STXBP4: variants seen among roughly 807,000 people sequenced by gnomAD.
STXBP4 encodes the protein syntaxin binding protein 4.
In STXBP4, 55 loss-of-function variants were observed where a neutral mutation model predicts 76.1. The observed-to-expected ratio is 0.72, with a 90% CI of 0.58 to 0.91. The LOEUF (loss-of-function observed/expected upper bound fraction) is 0.91, where lower values mean the gene tolerates loss of function less well. STXBP4 is among the 40% of genes least tolerant of loss of function. STXBP4 has a pLI of 0.00. For synonymous variants in STXBP4, 201 were observed against 220.2 expected (o/e 0.91, Z 0.77); for missense variants, 618 against 636.9 (o/e 0.97, Z 0.32).
At chr17:55,105,997 A>G (rs750768654) in intron 16 of STXBP4, among the ~76,000 whole-genome samples, 4 of 152,116 alleles carry the variant, frequency 2.6e-5, no homozygotes, top group Non-Finnish European at 5.9e-5. Context: ...GCTGAGTTCA[A>G]GTCCTGAATA....
At chr17:55,132,767 G>C (rs1232655532) in intron 16 of STXBP4, among the ~76,000 whole-genome samples, 1 of 152,120 alleles carries the variant, frequency 6.6e-6, no homozygotes, top group East Asian at 1.9e-4. Flanking sequence ...GGCTGGAGAA[G>C]AAGGGAGCTG....
chr17:55,176,218 C>G (rs977451802), downstream of STXBP4, among the ~76,000 whole-genome samples: 1 of 152,118 alleles, frequency 6.6e-6, no homozygotes, highest in African/African-American at 2.4e-5. Flanking sequence ...AAACTCAGCA[C>G]AGGGGAGGAA....
chr17:55,197,737 A>G, the STXBP4 span, among the ~76,000 whole-genome samples: 1 of 147,896 alleles, frequency 6.8e-6, no homozygotes, highest in South Asian at 2.3e-4. Context: ...AGTGAGACTC[A>G]GTCTCAAAAA....
chr17:55,094,237 G>A (rs1229708432), intron 16 of STXBP4, among the ~76,000 whole-genome samples: 2 of 151,410 alleles, frequency 1.3e-5, no homozygotes, highest in Non-Finnish European at 2.9e-5. Context: ...CGATAAGGGT[G>A]GATATGTAGC....
At chr17:55,021,696 A>T (rs1351169185) in intron 8 of STXBP4, among the ~76,000 whole-genome samples, 1 of 151,684 alleles carries the variant, frequency 6.6e-6, no homozygotes, top group Admixed American at 6.6e-5. Flanking sequence ...AGTAGTTTTT[A>T]AAAACTTTAC....
intron 16 of STXBP4, among the ~76,000 whole-genome samples, chr17:55,099,498 T>A (rs2079537806): frequency 1.3e-5 from 2 of 152,220 alleles, no homozygotes; most frequent in Non-Finnish European, 2.9e-5. Context: ...CTGAATACTG[T>A]ATGCAATTAT....
intron 15 of STXBP4, among the ~76,000 whole-genome samples, 169 bp downstream of exon 15, chr17:55,078,904 C>T (rs16955557): frequency 0.063 from 9,626 of 152,134 alleles, 934 homozygotes; most frequent in African/African-American, 0.22. Flanking sequence ...TTTTGTGTCC[C>T]ATCTCTGTTA....
intron 3 of STXBP4, among the ~76,000 whole-genome samples, chr17:54,990,600 A>G (rs1195962323): frequency 6.6e-6 from 1 of 152,048 alleles, no homozygotes; most frequent in Non-Finnish European, 1.5e-5. Context: ...AGTGCACAAG[A>G]AATGTAGTGC....
chr17:55,112,920 G>C (rs1567767959), intron 16 of STXBP4, among the ~76,000 whole-genome samples: 1 of 152,086 alleles, frequency 6.6e-6, no homozygotes, highest in Non-Finnish European at 1.5e-5. Flanking sequence ...CTGATAACAA[G>C]GGGACAACAT....
At chr17:55,003,554 A>G (rs2077953796) in intron 7 of STXBP4, among the ~76,000 whole-genome samples, 1 of 152,206 alleles carries the variant, frequency 6.6e-6, no homozygotes, top group Admixed American at 6.5e-5. Context: ...GTTACAAATC[A>G]GAAATTAACC....
chr17:55,126,830 A>G (rs994082565), intron 16 of STXBP4, among the ~76,000 whole-genome samples: 6 of 152,220 alleles, frequency 3.9e-5, no homozygotes, highest in African/African-American at 1.2e-4. Context: ...AAAGAAGTCT[A>G]TAGCATGCTC....
At chr17:55,070,665 C>G (rs1386674563) in intron 12 of STXBP4, among the ~76,000 whole-genome samples, 1 of 152,052 alleles carries the variant, frequency 6.6e-6, no homozygotes, top group Admixed American at 6.6e-5. Flanking sequence ...CAAGCTCCTT[C>G]CCCTTCATGC....
rs548549683 is a variant in STXBP4, at chr17:55,070,057, T to C, written c.1012-2843T>C. Reference sequence around the variant, plus strand: ...GGACTGGGCACTGATAATATTGTCATCTAAAAGTGATTTTTTAAAAACATT... The same window carrying C: ...GGACTGGGCACTGATAATATTGTCACCTAAAAGTGATTTTTTAAAAACATT... On this transcript the variant is annotated intron_variant, in intron 12 of 17. Transcript: ENST00000376352. Among the ~76,000 whole-genome samples, 7 of 152,228 alleles carry C rather than the reference T, an allele frequency of 4.6e-5. No individual in the cohort carries two copies. The South Asian group carries it at 6.2e-4, about 14-fold the overall frequency.
At chr17:55,208,577 AGAAG>A in the STXBP4 span, among the ~76,000 whole-genome samples, 546 of 90,392 alleles carry the variant, frequency 6.0e-3, 3 homozygotes, top group Non-Finnish European at 9.1e-3. Context: ...GAGGGAGGGA[AGAAG>A]GAAGGAAGGA....
intron 16 of STXBP4, among the ~76,000 whole-genome samples, chr17:55,092,660 C>G (rs1254088748): frequency 6.6e-6 from 1 of 152,166 alleles, no homozygotes; most frequent in African/African-American, 2.4e-5. Context: ...CAATATATTA[C>G]CTTTTAAGAA....
intron 6 of STXBP4, chr17:55,000,392 G>A (rs1394679615): frequency 4.7e-6 from 2 of 428,906 alleles, no homozygotes; most frequent in African/African-American, 4.3e-5. Flanking sequence ...TACAGTTACA[G>A]AATAAAGTGT....
chr17:55,136,298 A>G (rs2080027839), intron 16 of STXBP4, among the ~76,000 whole-genome samples: 1 of 152,146 alleles, frequency 6.6e-6, no homozygotes, highest in Non-Finnish European at 1.5e-5. Flanking sequence ...AACTTTCTGT[A>G]TAACGGGACC....
chr17:55,045,512 A>T (rs2078773319), intron 11 of STXBP4, among the ~76,000 whole-genome samples: 1 of 151,928 alleles, frequency 6.6e-6, no homozygotes, highest in Non-Finnish European at 1.5e-5. Context: ...GATATATTTG[A>T]TTTTATTTTA....
At chr17:55,184,740 T>C in the STXBP4 span, among the ~76,000 whole-genome samples, 1 of 152,228 alleles carries the variant, frequency 6.6e-6, no homozygotes, top group Non-Finnish European at 1.5e-5. Context: ...AAATGTTTTC[T>C]TGGATTAGCT....
Sources: gnomAD v4.1 joint callset for allele counts (sites outside exome capture counted in the v4.1 genomes callset) on GRCh38, gnomAD v4.1.1 for gene constraint, MANE v1.5 for transcripts, NCBI Gene and HGNC (gene_info 2026-07-23, HGNC 2026-07-21) for gene names.